Variants in SFMBT2 observed in about 807,000 individuals in gnomAD.
The protein encoded by SFMBT2 is scm-like with four MBT domains protein 2.
Under a neutral mutation model 110.1 loss-of-function variants are expected in SFMBT2, and 38 were observed. The ratio of observed to expected loss-of-function variants is 0.35; its 90% CI spans 0.27 to 0.45. SFMBT2 has a LOEUF of 0.45. SFMBT2 is among the 20% of genes least tolerant of loss of function. The pLI, the probability that SFMBT2 is intolerant of heterozygous loss-of-function variation, is 1.00. For missense variants in SFMBT2, 1,011 were observed against 1,094.9 expected (o/e 0.92, Z 1.08); for synonymous variants, 425 against 425.4 (o/e 1.00, Z 0.01).
At chr10:7,385,620 G>A (rs1007214051) in intron 1 of SFMBT2, among the ~76,000 whole-genome samples, 1 of 152,162 alleles carries the variant, frequency 6.6e-6, no homozygotes, top group African/African-American at 2.4e-5. Context: ...GAAAAGCTTA[G>A]AGCTATGGAC....
intron 7 of SFMBT2, among the ~76,000 whole-genome samples, chr10:7,273,569 A>G (rs1841673942): frequency 6.6e-6 from 1 of 152,136 alleles, no homozygotes; most frequent in African/African-American, 2.4e-5. Context: ...GGTGTACCGC[A>G]CCCATTAACT....
chr10:7,220,007 A>C (rs75051930), intron 11 of SFMBT2, among the ~76,000 whole-genome samples: 3,009 of 152,356 alleles, frequency 0.02, 39 homozygotes, highest in Middle Eastern at 0.031. Flanking sequence ...GAAGAATTAA[A>C]CAACTACGAA....
At chr10:7,300,515 T>C (rs187477930) in intron 4 of SFMBT2, among the ~76,000 whole-genome samples, 10 of 152,306 alleles carry the variant, frequency 6.6e-5, no homozygotes, top group African/African-American at 1.9e-4. Flanking sequence ...CAGTTCACAC[T>C]GCCCCCTTCA....
chr10:7,194,560 T>C (rs745899037), intron 15 of SFMBT2, among the ~76,000 whole-genome samples: 2 of 152,200 alleles, frequency 1.3e-5, no homozygotes, highest in African/African-American at 4.8e-5. Context: ...GGAAAAGCAA[T>C]GCACTCTGTC....
chr10:7,385,989 C>T (rs1033559294), intron 1 of SFMBT2, among the ~76,000 whole-genome samples: 1 of 151,776 alleles, frequency 6.6e-6, no homozygotes, highest in Non-Finnish European at 1.5e-5. Flanking sequence ...GAGAGAGACT[C>T]TGTCTCAAAA....
Position 7,243,548 on chromosome 10 carries a change from G to A in SFMBT2, c.1120+10C>T, listed in dbSNP as rs1391488042. On this transcript the variant is annotated intron_variant, in intron 9 of 20. Coordinates refer to ENST00000397167, the MANE Select transcript of SFMBT2 (RefSeq NM_001387889.1). ...TCTCCAGACCCTGCATACCTTCACA[G>A]AATACAAACCTTTGGGAGGAGTGAG... The A allele has an allele frequency of 1.1e-6, 1 of 872,492 alleles. No homozygotes were observed. Among genetic ancestry groups the A allele is most frequent in the East Asian group, 2.4e-5 (1 of 41,704 alleles). The allele number at this position is 872,492 out of a possible 1,614,324, so 54.0% of individuals were successfully genotyped here. A position where few individuals can be genotyped will look rare whatever the true frequency, so the allele number is the denominator to read the frequency against.
intron 4 of SFMBT2, among the ~76,000 whole-genome samples, chr10:7,319,800 G>A (rs1843119713): frequency 6.6e-6 from 1 of 151,102 alleles, no homozygotes; most frequent in Non-Finnish European, 1.5e-5. Context: ...GAGACAGACA[G>A]ACAGAGACTG....
Position 7,162,168 on chromosome 10 carries a change from G to A in SFMBT2, c.*1602C>T, listed in dbSNP as rs983123821. The A allele has an allele frequency of 7.9e-5, 12 of 152,204 alleles. No homozygotes were observed. The highest frequency in any genetic ancestry group is 2.7e-4 in the African/African-American group (11 of 41,444). 9.4% of individuals were successfully genotyped at this position (152,204 alleles called of 1,614,324 possible). A position where few individuals can be genotyped will look rare whatever the true frequency, so the allele number is the denominator to read the frequency against. On this transcript the variant is annotated 3_prime_UTR_variant, in exon 21 of 21. Transcript: ENST00000397167. ...CAGCTTTGTCTGCACGTGACCTGGC[G>A]GATTTAACACAACTGCCCAGGAAAT...
chr10:7,196,127 T>C (rs1838758962), intron 15 of SFMBT2, among the ~76,000 whole-genome samples: 1 of 152,020 alleles, frequency 6.6e-6, no homozygotes, highest in South Asian at 2.1e-4. Flanking sequence ...GAGGGAAAGC[T>C]TGAGTCTCGC....
chr10:7,213,904 A>G (rs1038492687), intron 11 of SFMBT2, among the ~76,000 whole-genome samples: 10 of 152,202 alleles, frequency 6.6e-5, no homozygotes, highest in African/African-American at 2.2e-4. Context: ...CTGGGCACAG[A>G]TGGCTGAAGA....
intron 4 of SFMBT2, among the ~76,000 whole-genome samples, chr10:7,336,928 C>G (rs1843732532): frequency 6.6e-6 from 1 of 152,174 alleles, no homozygotes. Flanking sequence ...GAGAAAAACT[C>G]AGAGAACCAA....
intron 17 of SFMBT2, among the ~76,000 whole-genome samples, chr10:7,175,647 T>C (rs971886249): frequency 1.3e-5 from 2 of 152,206 alleles, no homozygotes; most frequent in South Asian, 2.1e-4. Context: ...TGGGTTACTG[T>C]TACTGTGATC....
At chr10:7,206,121 C>T (rs1839129267) in intron 11 of SFMBT2, 193 bp from the exon 12 acceptor site, 1 of 985,330 alleles carries the variant, frequency 1.0e-6, no homozygotes, top group Non-Finnish European at 1.2e-6. Context: ...AGAGACAAAA[C>T]TCCTTGAAAT....
chr10:7,227,949 A>C lies in SFMBT2; in HGVS notation c.1121-12T>G, dbSNP rs766899699. ...CTGGCCAGAGTAACCTGGGAATGAC[A>C]AAACACAGATAAAACAGCGCACATT... On this transcript the variant is annotated splice_polypyrimidine_tract_variant and intron_variant, in intron 9 of 20. Coordinates refer to ENST00000397167, the MANE Select transcript of SFMBT2 (RefSeq NM_001387889.1). The C allele has an allele frequency of 3.8e-6, 6 of 1,573,080 alleles. No individual in the cohort carries two copies. The highest frequency in any genetic ancestry group is 5.1e-6 in the Non-Finnish European group (6 of 1,165,812).
In SFMBT2 at chr10:7,350,191, A is replaced by AT. The variant is rs35769123; in HGVS notation, c.436+17457dup. ...TGCCCAATCGTGTCTTAGTTCCTAGATTTTTTTTTTTTCCATGGGGTCCAT... is the reference window on the plus strand; with the variant it reads ...TGCCCAATCGTGTCTTAGTTCCTAGATTTTTTTTTTTTTCCATGGGGTCCAT... On this transcript the variant is annotated intron_variant, in intron 4 of 20. Transcript: ENST00000397167. Among the ~76,000 whole-genome samples the AT allele has an allele frequency of 9.8e-3, 1,413 of 144,630 alleles. 21 individuals carry two copies. The highest frequency in any genetic ancestry group is 0.032 in the African/African-American group (1,277 of 39,520). 94.9% of individuals were successfully genotyped at this position (144,630 alleles called of 152,430 possible). A position where few individuals can be genotyped will look rare whatever the true frequency, so the allele number is the denominator to read the frequency against.
intron 2 of SFMBT2, among the ~76,000 whole-genome samples, chr10:7,381,271 G>A: frequency 6.6e-6 from 1 of 152,138 alleles, no homozygotes; most frequent in East Asian, 1.9e-4. Flanking sequence ...ATTAGATGCT[G>A]TATCATCGGC....
chr10:7,364,955 C>T (rs1021582934), intron 4 of SFMBT2, among the ~76,000 whole-genome samples: 6 of 152,210 alleles, frequency 3.9e-5, no homozygotes, highest in African/African-American at 1.4e-4. Context: ...TACTTCACGA[C>T]GGATCAGAAA....
chr10:7,187,459 T>G (rs1313764841), intron 16 of SFMBT2, among the ~76,000 whole-genome samples: 2 of 152,208 alleles, frequency 1.3e-5, no homozygotes. Flanking sequence ...AATGATGAAA[T>G]GTAGCAGCAT....
intron 7 of SFMBT2, among the ~76,000 whole-genome samples, chr10:7,267,709 C>A (rs1163603588): frequency 6.6e-6 from 1 of 152,222 alleles, no homozygotes; most frequent in Non-Finnish European, 1.5e-5. Flanking sequence ...AGGCAAATCT[C>A]TGAGTAGCTC....
Sources: allele counts gnomAD v4.1 joint callset (sites outside exome capture counted in the v4.1 genomes callset), GRCh38; gene constraint gnomAD v4.1.1; transcripts MANE v1.5; gene names NCBI Gene and HGNC (gene_info 2026-07-23, HGNC 2026-07-21).